The following CCDC141 variants were observed in gnomAD, a reference collection of about 807,000 sequenced individuals.
CCDC141 encodes coiled-coil domain-containing protein 141.
Under a neutral mutation model 181.0 loss-of-function variants are expected in CCDC141, and 168 were observed. The observed-to-expected ratio is 0.93, with a 90% CI of 0.82 to 1.05. The LOEUF (loss-of-function observed/expected upper bound fraction) is 1.05, where lower values mean the gene tolerates loss of function less well. Among genes scored for constraint, CCDC141 ranks in the 50% least tolerant of loss-of-function variants. CCDC141 has a pLI of 0.00. For synonymous variants in CCDC141, 666 were observed against 642.3 expected (o/e 1.04, Z -0.56); for missense variants, 1,902 against 1,788.5 (o/e 1.06, Z -1.14).
chr2:178,899,238 G>T (rs1434064431), intron 8 of CCDC141, among the ~76,000 whole-genome samples: 1 of 152,140 alleles, frequency 6.6e-6, no homozygotes. Flanking sequence ...TATGTAGTAG[G>T]CTATACCATG....
At chr2:178,857,998 G>A (rs750306780) in intron 17 of CCDC141, among the ~76,000 whole-genome samples, 97 of 152,200 alleles carry the variant, frequency 6.4e-4, no homozygotes, top group Middle Eastern at 3.4e-3. Flanking sequence ...GTGGAATTGC[G>A]AACGGAAATT....
rs564253992 is a variant in CCDC141, at chr2:179,002,205, A to G, written c.226-23530T>C. The G allele has an allele frequency of 1.6e-5, 4 of 256,764 alleles. No homozygotes were observed. In the East Asian group the frequency reaches 3.7e-4, roughly 23 times the overall value. 15.9% of individuals were successfully genotyped at this position (256,764 alleles called of 1,614,324 possible). ...AGAATGGAAGGATTATGTAGTCCAC[A>G]TCAGTGGTAGGAATGACAAACAAGG... On this transcript the variant is annotated intron_variant, in intron 2 of 23. Coordinates refer to ENST00000443758, the MANE Select transcript of CCDC141 (RefSeq NM_173648.4).
chr2:178,961,143 A>G (rs1200215165), intron 5 of CCDC141, 87 bp downstream of exon 5: 1 of 1,396,978 alleles, frequency 7.2e-7, no homozygotes, highest in East Asian at 2.5e-5. Flanking sequence ...GACCATGAAG[A>G]CTGACAAACT....
At chr2:178,958,811 A>G (rs1161447517) in intron 5 of CCDC141, among the ~76,000 whole-genome samples, 1 of 152,114 alleles carries the variant, frequency 6.6e-6, no homozygotes, top group Admixed American at 6.5e-5. Context: ...ATAAATAAAT[A>G]AAACTTACTG....
intron 8 of CCDC141, among the ~76,000 whole-genome samples, chr2:178,892,594 C>T (rs774982309): frequency 1.3e-5 from 2 of 152,076 alleles, no homozygotes; most frequent in East Asian, 1.9e-4. Flanking sequence ...ACGATGATAC[C>T]GGACTTTCCT....
At chr2:178,937,085 T>C (rs1421603356) in intron 6 of CCDC141, among the ~76,000 whole-genome samples, 1 of 152,168 alleles carries the variant, frequency 6.6e-6, no homozygotes, top group Non-Finnish European at 1.5e-5. Flanking sequence ...ACTTTATTTC[T>C]TTCTCTTGCC....
chr2:178,962,622 C>T (rs773856921), intron 4 of CCDC141, among the ~76,000 whole-genome samples: 1 of 138,866 alleles, frequency 7.2e-6, no homozygotes, highest in Admixed American at 7.7e-5. Flanking sequence ...TCTTTTCCTT[C>T]TTTCCTTCTT....
chr2:178,878,209 T>C, intron 11 of CCDC141, 66 bp from the exon 12 acceptor site: 2 of 1,066,270 alleles, frequency 1.9e-6, no homozygotes, highest in Non-Finnish European at 2.6e-6. Context: ...GAACAGTAGA[T>C]TCCAATAAAA....
intron 2 of CCDC141, among the ~76,000 whole-genome samples, chr2:179,015,542 T>TATGTATCTC (rs2042477114): frequency 2.1e-5 from 1 of 46,578 alleles, no homozygotes; most frequent in African/African-American, 5.7e-5. Context: ...ATATATGATA[T>TATGTATCTC]ATATATCTCA....
At chr2:179,008,057 C>A (rs1411460152) in intron 2 of CCDC141, among the ~76,000 whole-genome samples, 2 of 152,110 alleles carry the variant, frequency 1.3e-5, no homozygotes, top group Admixed American at 6.6e-5. Context: ...TTCTTCAGAG[C>A]AGATATTTTA....
intron 4 of CCDC141, 116 bp from the exon 5 acceptor site, chr2:178,961,599 T>C (rs767435770): frequency 1.0e-5 from 9 of 900,494 alleles, no homozygotes; most frequent in Non-Finnish European, 1.5e-5. Flanking sequence ...AAAAAACAAG[T>C]TGTGCTGCAA....
rs1687915558 is a variant in CCDC141, at chr2:178,905,368, T to G, written c.1226A>C (p.Gln409Pro). ...KIKDCTTDAL[Q>P]KGQTLISQVD... ...TTGGCTGATTAAGGTTTGTCCCTTT[T>G]GCAAAGCATCAGTTGTGCAGTCTTT... Residue 409 changes from glutamine (Q) to proline (P), a missense_variant, in exon 8 of 24, where the codon CAA becomes CCA. By Grantham distance (76) the Gln-to-Pro change is moderately conservative (BLOSUM62 -1). Transcript: ENST00000443758. 2 of 1,550,330 alleles carry G rather than the reference T, an allele frequency of 1.3e-6. No homozygotes were observed.
At chr2:178,963,569 C>T (rs553895334) in intron 4 of CCDC141, among the ~76,000 whole-genome samples, 29 of 152,010 alleles carry the variant, frequency 1.9e-4, no homozygotes, top group African/African-American at 7.0e-4. Flanking sequence ...TATAGGGATG[C>T]ACTCAACTAC....
At chr2:178,858,826 GCT>G (rs1685490531) in intron 17 of CCDC141, among the ~76,000 whole-genome samples, 2 of 152,076 alleles carry the variant, frequency 1.3e-5, no homozygotes, top group African/African-American at 2.4e-5. Flanking sequence ...AGGAAGAGGG[GCT>G]CTGTCATTAA....
At chr2:178,932,158 AAAAAAC>A (rs1177249021) in intron 6 of CCDC141, among the ~76,000 whole-genome samples, 8 of 152,228 alleles carry the variant, frequency 5.3e-5, no homozygotes, top group Admixed American at 2.0e-4. Context: ...ACGCAGTCTC[AAAAAAC>A]AAAAACAAAA....
At chr2:178,877,767 G>T (rs1294662823) in intron 12 of CCDC141, 197 bp downstream of exon 12, 8 of 637,484 alleles carry the variant, frequency 1.3e-5, no homozygotes, top group Non-Finnish European at 2.2e-5. Flanking sequence ...CAGCCTTCCT[G>T]TTATAAACTA....
chr2:178,900,202 T>A (rs537748621), intron 8 of CCDC141, among the ~76,000 whole-genome samples: 76 of 152,286 alleles, frequency 5.0e-4, no homozygotes, highest in African/African-American at 1.8e-3. Context: ...TACCTAAGCA[T>A]TAATTCAAGC....
chr2:179,007,227 T>G (rs2042143866), intron 2 of CCDC141, among the ~76,000 whole-genome samples: 1 of 152,194 alleles, frequency 6.6e-6, no homozygotes, highest in East Asian at 1.9e-4. Context: ...ATCAGCTATG[T>G]GTAGACAGAC....
intron 2 of CCDC141, among the ~76,000 whole-genome samples, chr2:179,035,263 A>T (rs1015448419): frequency 6.6e-6 from 1 of 152,132 alleles, no homozygotes; most frequent in African/African-American, 2.4e-5. Flanking sequence ...CTTTTTATTT[A>T]TCATTAGGAT....
Sources: allele counts gnomAD v4.1 joint callset (sites outside exome capture counted in the v4.1 genomes callset), GRCh38; gene constraint gnomAD v4.1.1; transcripts MANE v1.5; gene names NCBI Gene and HGNC (gene_info 2026-07-23, HGNC 2026-07-21).